The following GDPD5 variants were observed in gnomAD, a reference collection of about 807,000 sequenced individuals.
The protein encoded by GDPD5 is glycerophosphodiester phosphodiesterase domain containing 5, also known as glycerophosphodiester phosphodiesterase 2.
GDPD5 carries 48 observed loss-of-function variants against 75.1 expected under a neutral mutation model. The observed-to-expected ratio is 0.64, with a 90% CI of 0.51 to 0.81. The LOEUF is 0.81. GDPD5 is among the 40% of genes least tolerant of loss of function. GDPD5 has a pLI of 0.00. For synonymous variants in GDPD5, 336 were observed against 339.0 expected (o/e 0.99, Z 0.10); for missense variants, 706 against 822.6 (o/e 0.86, Z 1.73).
At chr11:75,522,292 G>A (rs1173672180) in intron 1 of GDPD5, among the ~76,000 whole-genome samples, 2 of 152,206 alleles carry the variant, frequency 1.3e-5, no homozygotes, top group African/African-American at 4.8e-5. Flanking sequence ...GGGATCATGT[G>A]TCTTTCCCAT....
At chr11:75,496,901 C>T (rs1437729343) in intron 1 of GDPD5, among the ~76,000 whole-genome samples, 1 of 151,564 alleles carries the variant, frequency 6.6e-6, no homozygotes. Flanking sequence ...CCGCCTCAGC[C>T]TCCTGAGTCT....
At chr11:75,449,378 G>T in intron 8 of GDPD5, 139 bp downstream of exon 8, 3 of 833,640 alleles carry the variant, frequency 3.6e-6, no homozygotes, top group Non-Finnish European at 5.7e-6. Flanking sequence ...GCCACTCTGA[G>T]CCAGAATCCC....
At position 75,458,845 on chromosome 11, in the gene GDPD5, C is replaced by T. The variant is rs946886989; in HGVS notation, c.222-1059G>A. Among the ~76,000 whole-genome samples the T allele has an allele frequency of 3.9e-5, 6 of 152,032 alleles. 1 individual carries two copies. The highest frequency in any genetic ancestry group is 2.0e-4 in the Admixed American group (3 of 15,256). Reference sequence around the variant, plus strand: ...TCACTGAGGCTGGAGTGCAGGGATGCGAACATGGCTCACTGAAGCTTTGAC... The same window carrying T: ...TCACTGAGGCTGGAGTGCAGGGATGTGAACATGGCTCACTGAAGCTTTGAC... On this transcript the variant is annotated intron_variant, in intron 4 of 16. Coordinates refer to ENST00000336898, the MANE Select transcript of GDPD5 (RefSeq NM_030792.8).
intron 1 of GDPD5, among the ~76,000 whole-genome samples, chr11:75,504,180 C>A (rs1482667026): frequency 6.6e-6 from 1 of 152,184 alleles, no homozygotes; most frequent in Non-Finnish European, 1.5e-5. Context: ...AGGGACCTGT[C>A]CCTAGAGGGA....
At chr11:75,498,061 C>T (rs1592140747) in intron 1 of GDPD5, among the ~76,000 whole-genome samples, 1 of 151,574 alleles carries the variant, frequency 6.6e-6, no homozygotes, top group East Asian at 1.9e-4. Flanking sequence ...TGGACTAGCA[C>T]CCAGGCCTGT....
At chr11:75,467,805 C>A (rs1200315683) in intron 3 of GDPD5, among the ~76,000 whole-genome samples, 1 of 152,158 alleles carries the variant, frequency 6.6e-6, no homozygotes, top group Non-Finnish European at 1.5e-5. Flanking sequence ...TACCCTAACC[C>A]TCCAGAAACA....
intron 4 of GDPD5, among the ~76,000 whole-genome samples, chr11:75,462,107 A>G (rs1009154702): frequency 1.3e-5 from 2 of 152,026 alleles, no homozygotes; most frequent in Admixed American, 6.5e-5. Flanking sequence ...GAGGCCTAGG[A>G]TCCAGGGCTA....
chr11:75,510,832 G>A (rs945908475), intron 1 of GDPD5, among the ~76,000 whole-genome samples: 6 of 152,038 alleles, frequency 3.9e-5, no homozygotes, highest in African/African-American at 1.2e-4. Context: ...CCAGGGTAAT[G>A]GGTCCTGGAA....
intron 4 of GDPD5, among the ~76,000 whole-genome samples, chr11:75,460,653 C>T (rs1216889285): frequency 2.6e-5 from 4 of 152,030 alleles, no homozygotes; most frequent in Non-Finnish European, 5.9e-5. Flanking sequence ...TTCATGTTGT[C>T]CAGGCTGGTC....
intron 3 of GDPD5, among the ~76,000 whole-genome samples, chr11:75,476,019 T>C (rs1285425952): frequency 2.0e-5 from 3 of 152,152 alleles, no homozygotes; most frequent in African/African-American, 7.2e-5. Flanking sequence ...ATGAGACTTC[T>C]GGGAGATACG....
At chr11:75,515,253 C>T (rs1034795407) in intron 1 of GDPD5, among the ~76,000 whole-genome samples, 3 of 152,238 alleles carry the variant, frequency 2.0e-5, no homozygotes, top group Non-Finnish European at 2.9e-5. Flanking sequence ...CGGCTGTGCC[C>T]CTGCAGACAA....
chr11:75,492,009 C>T (rs1489556471), intron 1 of GDPD5, among the ~76,000 whole-genome samples: 1 of 152,190 alleles, frequency 6.6e-6, no homozygotes, highest in African/African-American at 2.4e-5. Flanking sequence ...TCCATGACTC[C>T]ATCCCAGTGC....
chr11:75,442,800 G>C, intron 11 of GDPD5: 1 of 606,800 alleles, frequency 1.6e-6, no homozygotes, highest in East Asian at 2.8e-5. Context: ...GGCTTGCTTG[G>C]AATCGCTCCC....
intron 1 of GDPD5, among the ~76,000 whole-genome samples, chr11:75,524,397 C>G (rs1361759336): frequency 6.6e-6 from 1 of 152,226 alleles, no homozygotes; most frequent in Admixed American, 6.5e-5. Context: ...GTGTGCATAC[C>G]TTGAAGGATG....
At chr11:75,497,392 C>T (rs1421883119) in intron 1 of GDPD5, among the ~76,000 whole-genome samples, 3 of 152,314 alleles carry the variant, frequency 2.0e-5, no homozygotes, top group Admixed American at 1.3e-4. Flanking sequence ...GTGCTGGACC[C>T]ACCACAGGCA....
intron 3 of GDPD5, among the ~76,000 whole-genome samples, chr11:75,471,455 C>T (rs1170444061): frequency 6.6e-6 from 1 of 152,188 alleles, no homozygotes; most frequent in Non-Finnish European, 1.5e-5. Flanking sequence ...GGGTGCATTG[C>T]ACTCAGAGTG....
intron 9 of GDPD5, among the ~76,000 whole-genome samples, chr11:75,448,103 A>G (rs1949035267): frequency 6.6e-6 from 1 of 152,150 alleles, no homozygotes; most frequent in Admixed American, 6.5e-5. Flanking sequence ...CTGAGGTCCC[A>G]CAACAGCCTG....
intron 3 of GDPD5, among the ~76,000 whole-genome samples, chr11:75,469,090 C>G (rs1332267421): frequency 1.3e-5 from 2 of 152,372 alleles, no homozygotes; most frequent in Admixed American, 6.5e-5. Flanking sequence ...TACACCACAT[C>G]TCTCCAGCTG....
chr11:75,506,304 C>A (rs1950397966), intron 1 of GDPD5, among the ~76,000 whole-genome samples: 1 of 152,152 alleles, frequency 6.6e-6, no homozygotes, highest in African/African-American at 2.4e-5. Flanking sequence ...CAGCCAGCCC[C>A]AGGGAGGAAG....
Sources: gnomAD v4.1 joint callset for allele counts (sites outside exome capture counted in the v4.1 genomes callset) on GRCh38, gnomAD v4.1.1 for gene constraint, MANE v1.5 for transcripts, NCBI Gene and HGNC (gene_info 2026-07-23, HGNC 2026-07-21) for gene names.